IQCH: variants seen among roughly 807,000 people sequenced by gnomAD.
IQCH encodes IQ motif containing H.
IQCH carries 98 observed loss-of-function variants against 117.0 expected under a neutral mutation model. That is an observed-to-expected ratio of 0.84 (90% CI 0.71 to 0.99). The LOEUF (loss-of-function observed/expected upper bound fraction) is 0.99. Ranked by LOEUF, IQCH falls within the 50% of genes least tolerant of loss-of-function variation. IQCH has a pLI of 0.00. For synonymous variants in IQCH, 412 were observed against 448.2 expected, an observed-to-expected ratio of 0.92 and a Z score of 1.02; for missense variants, 1,102 against 1,243.8, an observed-to-expected ratio of 0.89 and a Z score of 1.72.
chr15:67,350,277 A>G (rs1253942336), intron 6 of IQCH, among the ~76,000 whole-genome samples: 3 of 152,222 alleles, frequency 2.0e-5, no homozygotes, highest in Non-Finnish European at 4.4e-5. Context: ...AACAGGCTAC[A>G]CACCATATGA....
At chr15:67,396,225 C>T (rs1971464608) in intron 13 of IQCH, among the ~76,000 whole-genome samples, 1 of 152,134 alleles carries the variant, frequency 6.6e-6, no homozygotes, top group Non-Finnish European at 1.5e-5. Context: ...GTTTGGAAAA[C>T]TCCAGTGAGT....
intron 4 of IQCH, among the ~76,000 whole-genome samples, chr15:67,297,653 C>T (rs1044650097): frequency 6.6e-6 from 1 of 152,134 alleles, no homozygotes; most frequent in African/African-American, 2.4e-5. Flanking sequence ...GCGCAATTTT[C>T]CCCAATTGTC....
chr15:67,351,249 C>T (rs1451056406), intron 6 of IQCH, among the ~76,000 whole-genome samples: 1 of 151,868 alleles, frequency 6.6e-6, no homozygotes, highest in Admixed American at 6.6e-5. Flanking sequence ...CTTCCCCCCA[C>T]CCCCCAACAG....
intron 16 of IQCH, among the ~76,000 whole-genome samples, chr15:67,448,820 T>A (rs932678889): frequency 1.3e-5 from 2 of 152,096 alleles, no homozygotes; most frequent in African/African-American, 2.4e-5. Context: ...TCCACAATGG[T>A]TGAACTAGTT....
At chr15:67,363,731 C>T (rs1253096408) in intron 8 of IQCH, among the ~76,000 whole-genome samples, 1 of 152,118 alleles carries the variant, frequency 6.6e-6, no homozygotes, top group Non-Finnish European at 1.5e-5. Context: ...CTCAAGTAGG[C>T]CCCTGTGTCA....
At chr15:67,338,226 TC>T (rs1968983517) in intron 5 of IQCH, among the ~76,000 whole-genome samples, 1 of 140,706 alleles carries the variant, frequency 7.1e-6, no homozygotes, top group African/African-American at 2.6e-5. Flanking sequence ...TATCTATCTA[TC>T]TATCTATCTA....
chr15:67,453,809 C>T lies in IQCH; in HGVS notation c.2506-11318C>T, dbSNP rs1010194657. 6.6e-6 allele frequency among the ~76,000 whole-genome samples: 1 copy of T among 152,214 alleles called. No individual in the cohort carries two copies. The highest frequency in any genetic ancestry group is 2.4e-5 in the African/African-American group (1 of 41,452). On this transcript the variant is annotated intron_variant, in intron 16 of 20. Transcript: ENST00000335894. The surrounding 1 kb of genome is among the most constrained non-coding windows in gnomAD (Gnocchi z 5.8). ...CTGCTGTCTTTTTGTTTGTCTGTGCCCTGCCCCCAGAGGTGGCGCCTACAG... is the reference window on the plus strand; with the variant it reads ...CTGCTGTCTTTTTGTTTGTCTGTGCTCTGCCCCCAGAGGTGGCGCCTACAG...
chr15:67,413,475 A>C lies in IQCH; in HGVS notation c.2098-3456A>C, dbSNP rs2081501052. The C allele has an allele frequency of 6.6e-6, 1 of 152,288 alleles. No individual in the cohort carries two copies. The highest frequency in any genetic ancestry group is 1.5e-5 in the Non-Finnish European group (1 of 68,028). 9.4% of individuals were successfully genotyped at this position (152,288 alleles called of 1,614,324 possible). A position where few individuals can be genotyped will look rare whatever the true frequency, so the allele number is the denominator to read the frequency against. ...GGGGATAAAATAAAATGAAGCTTTT[A>C]CCAAGAATGTCATTTTTCTGACCTT... On this transcript the variant is annotated intron_variant, in intron 14 of 20. Coordinates refer to ENST00000335894, the MANE Select transcript of IQCH (RefSeq NM_001031715.3). The surrounding 1 kb of genome is among the most constrained non-coding windows in gnomAD (Gnocchi z 5.0).
Position 67,474,605 on chromosome 15 carries a change from G to A in IQCH, c.2677-1091G>A, listed in dbSNP as rs1324331728. On this transcript the variant is annotated intron_variant, in intron 17 of 20. Coordinates refer to ENST00000335894, the MANE Select transcript of IQCH (RefSeq NM_001031715.3). The surrounding 1 kb of genome is among the most constrained non-coding windows in gnomAD (Gnocchi z 4.1). ...CTACTATCACCAATCTCTTTGGCAT[G>A]GCTTTCACTGATAGACAAGCAAGAT... is the stretch of plus-strand genomic sequence containing the variant. 6.6e-6 allele frequency among the ~76,000 whole-genome samples: 1 copy of A among 152,136 alleles called. No homozygotes were observed. Among genetic ancestry groups the A allele is most frequent in the Admixed American group, 6.6e-5 (1 of 15,264 alleles).
At chr15:67,269,103 T>C (rs767458549) in intron 3 of IQCH, among the ~76,000 whole-genome samples, 1 of 150,512 alleles carries the variant, frequency 6.6e-6, no homozygotes, top group Non-Finnish European at 1.5e-5. Context: ...AAGTAACCAG[T>C]AAGCATGTGG....
intron 4 of IQCH, among the ~76,000 whole-genome samples, chr15:67,331,443 C>G (rs1406403195): frequency 1.3e-5 from 2 of 152,042 alleles, no homozygotes; most frequent in Non-Finnish European, 2.9e-5. Context: ...CTTTATGGAA[C>G]TCATAAATAA....
intron 4 of IQCH, among the ~76,000 whole-genome samples, chr15:67,307,719 C>G (rs565340933): frequency 6.6e-6 from 1 of 152,126 alleles, no homozygotes; most frequent in South Asian, 2.1e-4. Flanking sequence ...AATTAATAAA[C>G]CTTTCTTGTC....
chr15:67,281,615 T>C (rs1438166747), intron 4 of IQCH: 2 of 445,944 alleles, frequency 4.5e-6, no homozygotes, highest in Admixed American at 2.4e-5. Context: ...TCAGACTCAA[T>C]CTCTCCCAGA....
chr15:67,257,410 C>G (rs185487449), intron 1 of IQCH, among the ~76,000 whole-genome samples: 4 of 152,188 alleles, frequency 2.6e-5, no homozygotes, highest in Non-Finnish European at 4.4e-5. Flanking sequence ...TGGTCAGTTA[C>G]GTCTGTGTAT....
chr15:67,302,708 T>G (rs1224625851), intron 4 of IQCH, among the ~76,000 whole-genome samples: 1 of 152,038 alleles, frequency 6.6e-6, no homozygotes, highest in Non-Finnish European at 1.5e-5. Flanking sequence ...AATACAAAAA[T>G]TAGCCGGGTG....
At chr15:67,266,561 G>A (rs1448727964) in intron 3 of IQCH, among the ~76,000 whole-genome samples, 1 of 152,174 alleles carries the variant, frequency 6.6e-6, no homozygotes, top group Non-Finnish European at 1.5e-5. Flanking sequence ...GGAGGCTGAG[G>A]CAGGAGAATG....
rs59514671 is a variant in IQCH, at chr15:67,446,192, A to T, written c.2506-18935A>T. 8.0e-3 allele frequency among the ~76,000 whole-genome samples: 1,217 copies of T among 152,340 alleles called. 12 individuals are homozygous for T. Among genetic ancestry groups the T allele is most frequent in the African/African-American group, 0.028 (1,163 of 41,570 alleles). Reference sequence around the variant, plus strand: ...GGGAAAGCACCAATGTATATATTTTATATTTTTTATTCACTTGTTAAAGAA... The same window carrying T: ...GGGAAAGCACCAATGTATATATTTTTTATTTTTTATTCACTTGTTAAAGAA... On this transcript the variant is annotated intron_variant, in intron 16 of 20. Transcript: ENST00000335894.
At chr15:67,410,520 C>G (rs956029435) in intron 14 of IQCH, among the ~76,000 whole-genome samples, 10 of 152,214 alleles carry the variant, frequency 6.6e-5, no homozygotes, top group Admixed American at 1.3e-4. Flanking sequence ...GAGCATAAAG[C>G]TGCTTTCTCA....
At chr15:67,309,809 T>C (rs529771912) in intron 4 of IQCH, among the ~76,000 whole-genome samples, 19 of 151,552 alleles carry the variant, frequency 1.3e-4, no homozygotes, top group African/African-American at 4.4e-4. Context: ...AGATCAAAGT[T>C]TGGGTCCTAT....
Sources: allele counts gnomAD v4.1 joint callset (sites outside exome capture counted in the v4.1 genomes callset), GRCh38; gene constraint gnomAD v4.1.1; non-coding constraint Gnocchi (gnomAD v3.1); transcripts MANE v1.5; gene names NCBI Gene and HGNC (gene_info 2026-07-23, HGNC 2026-07-21).